The following IFT80 variants were observed in gnomAD, a reference collection of about 807,000 sequenced individuals.
IFT80 encodes intraflagellar transport protein 80 homolog.
IFT80 carries 79 observed loss-of-function variants against 107.9 expected under a neutral mutation model. That is an observed-to-expected ratio of 0.73 (90% confidence interval 0.61 to 0.88). The LOEUF is 0.88. Among genes scored for constraint, IFT80 ranks in the 40% least tolerant of loss-of-function variants. The probability of loss-of-function intolerance (pLI) is 0.00; values close to 1 mark genes in which losing one functional copy is unlikely to be tolerated. For missense variants in IFT80, 797 were observed against 914.2 expected, an observed-to-expected ratio of 0.87 and a Z score of 1.65; for synonymous variants, 299 against 300.9, an observed-to-expected ratio of 0.99 and a Z score of 0.07.
At chr3:160,355,685 A>G (rs1031914228) in intron 8 of IFT80, among the ~76,000 whole-genome samples, 9 of 152,248 alleles carry the variant, frequency 5.9e-5, no homozygotes, top group African/African-American at 1.7e-4. Context: ...AAGTCAGTGA[A>G]AGGTTAGAAA....
chr3:160,319,390 T>G (rs913666692), intron 9 of IFT80, among the ~76,000 whole-genome samples: 1 of 152,028 alleles, frequency 6.6e-6, no homozygotes, highest in Non-Finnish European at 1.5e-5. Flanking sequence ...AGTAAAACAA[T>G]TAACCCTGTC....
chr3:160,282,016 G>A (rs748327377), intron 14 of IFT80, among the ~76,000 whole-genome samples: 4 of 152,166 alleles, frequency 2.6e-5, no homozygotes, highest in African/African-American at 4.8e-5. Flanking sequence ...AGTGGCTTAC[G>A]CCTGTAATCC....
intron 19 of IFT80, among the ~76,000 whole-genome samples, chr3:160,261,802 A>G (rs1576714967): frequency 1.7e-5 from 2 of 117,886 alleles, no homozygotes; most frequent in South Asian, 4.9e-4. Context: ...ACCCTGTCTC[A>G]AAAAAAAAAA....
chr3:160,369,893 T>G (rs1722115995), intron 5 of IFT80, among the ~76,000 whole-genome samples: 2 of 152,082 alleles, frequency 1.3e-5, no homozygotes, highest in Non-Finnish European at 2.9e-5. Flanking sequence ...AAGATCTTGT[T>G]TTTCTAACTT....
At chr3:160,347,307 G>A (rs1314248345) in intron 8 of IFT80, among the ~76,000 whole-genome samples, 2 of 152,008 alleles carry the variant, frequency 1.3e-5, no homozygotes, top group Non-Finnish European at 2.9e-5. Flanking sequence ...CACTCCTCTG[G>A]TTGCTAGTGG....
At chr3:160,369,845 A>AT (rs1284088042) in intron 5 of IFT80, among the ~76,000 whole-genome samples, 13 of 152,034 alleles carry the variant, frequency 8.6e-5, no homozygotes, top group African/African-American at 3.1e-4. Context: ...TATATTGGAA[A>AT]TTTTAATTTA....
rs1712523361 is a variant in IFT80 at position 160,381,585 on chromosome 3, A to G, written c.177T>C (p.Pro59=). The G allele has an allele frequency of 1.9e-6, 3 of 1,613,698 alleles. No homozygotes were observed. In the African/African-American group the frequency reaches 4.0e-5, roughly 22 times the overall value. Reference sequence around the variant, plus strand: ...TTTTTGGAAACCAGTGAAAATCAATAGGGTAAATATCATCAGGAAGCTTTA... The same window carrying G: ...TTTTTGGAAACCAGTGAAAATCAATGGGGTAAATATCATCAGGAAGCTTTA... ...QIVKLPDDIY[P]IDFHWFPKSL... Residue 59 remains proline (P), a synonymous_variant, in exon 3 of 20, where the codon CCT becomes CCC. Coordinates refer to ENST00000326448, the MANE Select transcript of IFT80 (RefSeq NM_020800.3).
At chr3:160,270,935 G>A (rs547240507) in intron 18 of IFT80, among the ~76,000 whole-genome samples, 17 of 152,180 alleles carry the variant, frequency 1.1e-4, no homozygotes, top group African/African-American at 3.4e-4. Context: ...CATCCATTCT[G>A]GGTTGGAGCT....
chr3:160,285,312 T>C (rs1715006011), intron 13 of IFT80, among the ~76,000 whole-genome samples: 1 of 152,208 alleles, frequency 6.6e-6, no homozygotes, highest in Admixed American at 6.5e-5. Flanking sequence ...GATAACTCAA[T>C]GCAATGTGCT....
intron 5 of IFT80, 60 bp from the exon 6 acceptor site, chr3:160,366,212 A>G (rs1721853532): frequency 3.3e-6 from 4 of 1,205,558 alleles, no homozygotes; most frequent in Admixed American, 1.7e-5. Flanking sequence ...TGCCTTATAA[A>G]AAGAGAGATT....
chr3:160,314,604 A>C (rs1717655184), intron 9 of IFT80, among the ~76,000 whole-genome samples: 1 of 152,182 alleles, frequency 6.6e-6, no homozygotes, highest in African/African-American at 2.4e-5. Flanking sequence ...AACACGGATA[A>C]ACCAAAAGCC....
chr3:160,363,752 T>C (rs1395491390), intron 6 of IFT80, among the ~76,000 whole-genome samples: 1 of 152,132 alleles, frequency 6.6e-6, no homozygotes, highest in East Asian at 1.9e-4. Flanking sequence ...AAACAAGAAA[T>C]GGGGAAAGGA....
At chr3:160,328,575 A>G (rs1718851724) in intron 8 of IFT80, among the ~76,000 whole-genome samples, 1 of 152,052 alleles carries the variant, frequency 6.6e-6, no homozygotes, top group South Asian at 2.1e-4. Context: ...ATTGTGGAAG[A>G]CAGTATGGCA....
intron 10 of IFT80, among the ~76,000 whole-genome samples, chr3:160,304,536 C>T (rs370111013): frequency 3.3e-5 from 5 of 151,070 alleles, no homozygotes; most frequent in South Asian, 2.1e-4. Flanking sequence ...CCCAGGTTCA[C>T]GCCATTCTCC....
chr3:160,353,346 G>A (rs1419200716), intron 8 of IFT80, among the ~76,000 whole-genome samples: 2 of 152,184 alleles, frequency 1.3e-5, no homozygotes, highest in Non-Finnish European at 2.9e-5. Flanking sequence ...GGTAGTGAGA[G>A]AGATCAGGGG....
chr3:160,295,946 G>A (rs1035416849), intron 12 of IFT80, among the ~76,000 whole-genome samples: 6 of 152,154 alleles, frequency 3.9e-5, no homozygotes, highest in African/African-American at 1.4e-4. Context: ...TACTAAAATA[G>A]TCAAATTTAT....
intron 2 of IFT80, among the ~76,000 whole-genome samples, chr3:160,383,167 T>C (rs570320507): frequency 7.2e-5 from 11 of 152,312 alleles, no homozygotes; most frequent in African/African-American, 2.6e-4. Context: ...CATGACATTA[T>C]CTTCAAACTC....
chr3:160,271,888 C>A (rs1214419497), intron 18 of IFT80, among the ~76,000 whole-genome samples: 1 of 151,214 alleles, frequency 6.6e-6, no homozygotes, highest in Non-Finnish European at 1.5e-5. Flanking sequence ...CATGAAAAAC[C>A]ACTACAGCCA....
At chr3:160,299,281 G>T in intron 12 of IFT80, 1 of 1,125,552 alleles carries the variant, frequency 8.9e-7, no homozygotes, top group South Asian at 1.8e-5. Context: ...AGGCCTAAAT[G>T]AAGAGATAGA....
Sources: gnomAD v4.1 joint callset for allele counts (sites outside exome capture counted in the v4.1 genomes callset) on GRCh38, gnomAD v4.1.1 for gene constraint, MANE v1.5 for transcripts, NCBI Gene and HGNC (gene_info 2026-07-23, HGNC 2026-07-21) for gene names.